Variants in ATF7IP observed in about 807,000 individuals in gnomAD.
ATF7IP encodes the protein activating transcription factor 7-interacting protein 1.
ATF7IP carries 23 observed loss-of-function variants against 106.4 expected under a neutral mutation model. The observed-to-expected ratio is 0.22, with a 90% CI of 0.16 to 0.31. The LOEUF is 0.31. Among genes scored for constraint, ATF7IP ranks in the 10% least tolerant of loss-of-function variants. The probability of loss-of-function intolerance (pLI) is 1.00; values close to 1 mark genes in which losing one functional copy is unlikely to be tolerated. For missense variants in ATF7IP, 1,334 were observed against 1,524.3 expected, an observed-to-expected ratio of 0.88 and a Z score of 2.08; for synonymous variants, 542 against 539.0, an observed-to-expected ratio of 1.01 and a Z score of -0.08.
At chr12:14,366,545 T>C (rs981200586) in intron 1 of ATF7IP, among the ~76,000 whole-genome samples, 1 of 152,222 alleles carries the variant, frequency 6.6e-6, no homozygotes, top group Non-Finnish European at 1.5e-5. Flanking sequence ...ATCTGAGGAT[T>C]ATTTTGGTTT....
At chr12:14,434,606 ATATTT>A (rs1942311258) in intron 3 of ATF7IP, among the ~76,000 whole-genome samples, 183 bp downstream of exon 3, 1 of 152,214 alleles carries the variant, frequency 6.6e-6, no homozygotes, top group Non-Finnish European at 1.5e-5. Flanking sequence ...ATACACTTCA[ATATTT>A]TATTTTGTTT....
chr12:14,377,658 C>T (rs188136465), intron 1 of ATF7IP, among the ~76,000 whole-genome samples: 10 of 151,318 alleles, frequency 6.6e-5, no homozygotes, highest in South Asian at 2.1e-4. Context: ...CTGTCACCCA[C>T]GTTGGAGTGC....
In ATF7IP at chr12:14,481,019, T is replaced by G; in HGVS notation, c.3114T>G (p.Asn1038Lys). The change falls in exon 13 of 15, where the codon AAT (asparagine) becomes AAG (lysine). Residue 1038 changes from asparagine to lysine, a missense_variant. By Grantham distance (94) the Asn-to-Lys change is moderately conservative. Coordinates refer to ENST00000261168, the MANE Select transcript of ATF7IP (RefSeq NM_018179.5). ...TTGCATTAGCTCCAACTACCGTGAATGTAACACATCGTCCAGTAACTCAGG... is the reference window on the plus strand; with the variant it reads ...TTGCATTAGCTCCAACTACCGTGAAGGTAACACATCGTCCAGTAACTCAGG... ...HLLPTAPTTV[N>K]VTHRPVTQVT... 1 of 1,613,996 alleles carries G rather than the reference T, an allele frequency of 6.2e-7. No homozygotes were observed. The highest frequency in any genetic ancestry group is 8.5e-7 in the Non-Finnish European group (1 of 1,179,934).
intron 1 of ATF7IP, among the ~76,000 whole-genome samples, chr12:14,375,642 T>C (rs1036420633): frequency 2.0e-5 from 3 of 152,212 alleles, no homozygotes; most frequent in Admixed American, 6.5e-5. Context: ...TAGTTTTGTA[T>C]TGGGACCTGG....
chr12:14,492,219 AT>A, intron 13 of ATF7IP, among the ~76,000 whole-genome samples: 2 of 152,326 alleles, frequency 1.3e-5, no homozygotes, highest in Middle Eastern at 6.8e-3. Flanking sequence ...AATTCCATTA[AT>A]TATCTGACCT....
At chr12:14,444,852 G>A (rs1942872154) in intron 5 of ATF7IP, among the ~76,000 whole-genome samples, 1 of 152,000 alleles carries the variant, frequency 6.6e-6, no homozygotes, top group Admixed American at 6.5e-5. Context: ...ATAGCTTCCA[G>A]CGGTGACTAC....
At chr12:14,490,999 C>T (rs535187247) in intron 13 of ATF7IP, among the ~76,000 whole-genome samples, 1 of 152,142 alleles carries the variant, frequency 6.6e-6, no homozygotes, top group African/African-American at 2.4e-5. Context: ...TAGTTACCTG[C>T]AAAAGATGAC....
intron 13 of ATF7IP, among the ~76,000 whole-genome samples, chr12:14,491,066 C>T (rs1415058598): frequency 1.3e-5 from 2 of 152,138 alleles, no homozygotes; most frequent in Non-Finnish European, 1.5e-5. Context: ...TGGGGTCCTG[C>T]CAAAGGCTCT....
chr12:14,475,998 G>A lies in ATF7IP; in HGVS notation c.2941+30G>A, dbSNP rs1395375993. 8 of 1,533,204 alleles carry A rather than the reference G, an allele frequency of 5.2e-6. No individual in the cohort carries two copies. The Admixed American group carries it at 6.7e-5, about 13-fold the overall frequency. 95.0% of individuals were successfully genotyped at this position (1,533,204 alleles called of 1,614,324 possible). On this transcript the variant is annotated intron_variant, in intron 11 of 14. Coordinates refer to ENST00000261168, the MANE Select transcript of ATF7IP (RefSeq NM_018179.5). ...TTCAATAGTAATTGTACTAAGCAAC[G>A]TTTTGATACCATTTTTTTTGTCTTA...
chr12:14,383,875 TAATG>T (rs781621257), intron 1 of ATF7IP, among the ~76,000 whole-genome samples: 3 of 152,206 alleles, frequency 2.0e-5, no homozygotes, highest in Non-Finnish European at 4.4e-5. Context: ...ATCTTGCTTT[TAATG>T]AATAGTCTTT....
chr12:14,473,259 G>T (rs948503395), intron 10 of ATF7IP, among the ~76,000 whole-genome samples: 6 of 142,446 alleles, frequency 4.2e-5, no homozygotes, highest in Non-Finnish European at 9.2e-5. Context: ...TAATTCCTCT[G>T]TTAGCTTTTT....
rs990726964 is a variant in ATF7IP, at chr12:14,475,882, T to C, written c.2863-8T>C. The C allele has an allele frequency of 6.2e-7, 1 of 1,602,046 alleles. No homozygotes were observed. The highest frequency in any genetic ancestry group is 1.3e-5 in the African/African-American group (1 of 74,094). ...TTCTTTGTAAAATGTAGAAGTTTTGTTTTTCAGTGTGGAAAAGCCACTGGC... is the reference window on the plus strand; with the variant it reads ...TTCTTTGTAAAATGTAGAAGTTTTGCTTTTCAGTGTGGAAAAGCCACTGGC... On this transcript the variant is annotated splice_region_variant and splice_polypyrimidine_tract_variant and intron_variant, in intron 10 of 14. Coordinates refer to ENST00000261168, the MANE Select transcript of ATF7IP (RefSeq NM_018179.5).
intron 8 of ATF7IP, among the ~76,000 whole-genome samples, chr12:14,458,538 T>C (rs1943520434): frequency 6.6e-6 from 1 of 152,214 alleles, no homozygotes; most frequent in South Asian, 2.1e-4. Context: ...AATCCATTTA[T>C]TGGACAAGCG....
intron 6 of ATF7IP, among the ~76,000 whole-genome samples, chr12:14,448,968 C>T (rs938300437): frequency 6.6e-6 from 1 of 152,082 alleles, no homozygotes; most frequent in Non-Finnish European, 1.5e-5. Flanking sequence ...AAAGTCTCTT[C>T]GGGTTCATTG....
Position 14,460,739 on chromosome 12 carries a change from T to C in ATF7IP, c.2403T>C (p.His801=), listed in dbSNP as rs1291591438. ...CCCAGCCTCAGCTTCTACAGAGCCA[T>C]CCAGGGACTTTGGTGACTAATCAAC... ...VSSQPQLLQS[H]PGTLVTNQPS... Residue 801 remains histidine (H), a synonymous_variant, in exon 9 of 15, where the codon CAT becomes CAC. Transcript: ENST00000261168. 2 of 1,614,188 alleles carry C rather than the reference T, an allele frequency of 1.2e-6. No homozygotes were observed. Among genetic ancestry groups the C allele is most frequent in the African/African-American group, 1.3e-5 (1 of 75,056 alleles).
rs188911411 is a variant in ATF7IP, at chr12:14,476,726, A to G, written c.2941+758A>G. Among the ~76,000 whole-genome samples, 1,365 of 152,206 alleles carry G rather than the reference A, an allele frequency of 9.0e-3. 13 individuals carry two copies. Among genetic ancestry groups the G allele is most frequent in the African/African-American group, 0.026 (1,091 of 41,546 alleles). On this transcript the variant is annotated intron_variant, in intron 11 of 14. Coordinates refer to ENST00000261168, the MANE Select transcript of ATF7IP (RefSeq NM_018179.5). ...CAGTGCAGATACTGTATATATATGT[A>G]TTCATTTAATTTTGGTCATTTGAAT... is the stretch of plus-strand genomic sequence containing the variant.
intron 13 of ATF7IP, among the ~76,000 whole-genome samples, chr12:14,492,155 C>T (rs1944847144): frequency 6.6e-6 from 1 of 152,086 alleles, no homozygotes; most frequent in African/African-American, 2.4e-5. Flanking sequence ...GGGAAATGAC[C>T]ACAGGATGAA....
Position 14,502,586 on chromosome 12 carries a change from C to T in ATF7IP, c.*4513C>T, listed in dbSNP as rs1168240600. ...AATAAGGTAACTGGGCAATCAAACACCTTTTGGGGATTCTGGCTTTAGTAT... is the reference window on the plus strand; with the variant it reads ...AATAAGGTAACTGGGCAATCAAACATCTTTTGGGGATTCTGGCTTTAGTAT... On this transcript the variant is annotated 3_prime_UTR_variant, in exon 15 of 15. Coordinates refer to ENST00000261168, the MANE Select transcript of ATF7IP (RefSeq NM_018179.5). The T allele has an allele frequency of 2.0e-5, 3 of 152,038 alleles. No individual in the cohort carries two copies. Among genetic ancestry groups the T allele is most frequent in the African/African-American group, 7.2e-5 (3 of 41,392 alleles). 9.4% of individuals were successfully genotyped at this position (152,038 alleles called of 1,614,324 possible).
chr12:14,491,942 T>G (rs1424740182), intron 13 of ATF7IP, among the ~76,000 whole-genome samples: 1 of 152,216 alleles, frequency 6.6e-6, no homozygotes, highest in Non-Finnish European at 1.5e-5. Context: ...CCCTGCATCT[T>G]TCACGTCCTT....
Sources: gnomAD v4.1 joint callset for allele counts (sites outside exome capture counted in the v4.1 genomes callset) on GRCh38, gnomAD v4.1.1 for gene constraint, MANE v1.5 for transcripts, NCBI Gene and HGNC (gene_info 2026-07-23, HGNC 2026-07-21) for gene names.